Variants in FAM117B observed in about 807,000 individuals in gnomAD.
FAM117B encodes the protein family with sequence similarity 117 member B.
FAM117B carries 22 observed loss-of-function variants against 52.8 expected under a neutral mutation model. That is an observed-to-expected ratio of 0.42 (90% CI 0.30 to 0.59). FAM117B has a LOEUF of 0.59. Ranked by LOEUF, FAM117B falls within the 20% of genes least tolerant of loss-of-function variation. FAM117B has a pLI of 0.22. For missense variants in FAM117B, 678 were observed against 802.6 expected, an observed-to-expected ratio of 0.84 and a Z score of 1.88; for synonymous variants, 309 against 324.1, an observed-to-expected ratio of 0.95 and a Z score of 0.50.
In FAM117B at chr2:202,766,411, T is replaced by C. The variant is rs1176981950; in HGVS notation, c.*647T>C. On this transcript the variant is annotated 3_prime_UTR_variant, in exon 8 of 8. Coordinates refer to ENST00000392238, the MANE Select transcript of FAM117B (RefSeq NM_173511.4). ...GATAGGTAAATGCATTGAACAAGTA[T>C]ATATAAAAAGAGATTAAAAAGCAAT... The C allele has an allele frequency of 6.5e-6, 1 of 152,676 alleles. No individual in the cohort carries two copies. The highest frequency in any genetic ancestry group is 1.5e-5 in the Non-Finnish European group (1 of 68,090). 9.5% of individuals were successfully genotyped at this position (152,676 alleles called of 1,614,324 possible).
chr2:202,635,805 G>A lies in FAM117B; in HGVS notation c.601+17G>A. ...GCAAAGCAGGTAAGTGCTGGGGGTC[G>A]CGCAGCAAGGGGGAGGCGGCTGCGG... On this transcript the variant is annotated intron_variant, in intron 1 of 7. Coordinates refer to ENST00000392238, the MANE Select transcript of FAM117B (RefSeq NM_173511.4). 1 of 1,422,784 alleles carries A rather than the reference G, an allele frequency of 7.0e-7. No individual in the cohort carries two copies. Among genetic ancestry groups the A allele is most frequent in the South Asian group, 1.4e-5 (1 of 72,128 alleles). The allele number at this position is 1,422,784 out of a possible 1,614,324, so 88.1% of individuals were successfully genotyped here.
chr2:202,759,810 G>A (rs541571598), intron 7 of FAM117B, among the ~76,000 whole-genome samples: 17 of 152,184 alleles, frequency 1.1e-4, no homozygotes, highest in Admixed American at 2.0e-4. Flanking sequence ...ACCTGCCTCG[G>A]CCTACCAAAG....
intron 1 of FAM117B, among the ~76,000 whole-genome samples, chr2:202,659,415 T>A (rs1372682016): frequency 3.3e-5 from 5 of 151,894 alleles, no homozygotes; most frequent in Non-Finnish European, 1.5e-5. Context: ...GCTCAGGCGA[T>A]CCTCCTACCT....
At chr2:202,677,103 C>A (rs986368936) in intron 1 of FAM117B, among the ~76,000 whole-genome samples, 13 of 148,774 alleles carry the variant, frequency 8.7e-5, no homozygotes, top group Non-Finnish European at 1.6e-4. Context: ...CAGTCTCGCT[C>A]TGTCACCAGG....
intron 2 of FAM117B, among the ~76,000 whole-genome samples, chr2:202,715,455 G>A (rs1481771913): frequency 8.6e-5 from 13 of 151,756 alleles, no homozygotes; most frequent in Admixed American, 5.2e-4. Context: ...GGTTGCGGCC[G>A]GGCAGAGGCG....
rs570324955 is a variant in FAM117B, at chr2:202,750,659, G to A, written c.961-4879G>A. Among the ~76,000 whole-genome samples, 4 of 152,290 alleles carry A rather than the reference G, an allele frequency of 2.6e-5. No homozygotes were observed. In the South Asian group the frequency reaches 6.2e-4, roughly 24 times the overall value. On this transcript the variant is annotated intron_variant, in intron 4 of 7. Transcript: ENST00000392238. ...GCCTTGTTGAACAAGCATCTTATAT[G>A]TTCTAGGCTCTGTGCTTGGCAGTGG...
At chr2:202,736,537 G>A (rs1274647935) in intron 4 of FAM117B, among the ~76,000 whole-genome samples, 1 of 152,148 alleles carries the variant, frequency 6.6e-6, no homozygotes, top group Non-Finnish European at 1.5e-5. Flanking sequence ...GACGTAGATG[G>A]ATCACTTGAG....
Position 202,764,102 on chromosome 2 carries a change from CA to C in FAM117B, c.1452-1343del, listed in dbSNP as rs1240186503. On this transcript the variant is annotated intron_variant, in intron 7 of 7. Transcript: ENST00000392238. ...AATAATGTTTTAAATGCATCATATA[CA>C]CAAGATTATAAAGGAAGCTAGTTAT... 6.6e-5 allele frequency among the ~76,000 whole-genome samples: 10 copies of C among 152,256 alleles called. No individual in the cohort carries two copies. The East Asian group carries it at 1.9e-3, about 29-fold the overall frequency.
chr2:202,742,543 G>A (rs1559113823), intron 4 of FAM117B, among the ~76,000 whole-genome samples: 1 of 152,068 alleles, frequency 6.6e-6, no homozygotes, highest in Admixed American at 6.5e-5. Flanking sequence ...AATGGATTAA[G>A]GATCTAAATG....
At chr2:202,683,641 T>C (rs1690495512) in intron 1 of FAM117B, among the ~76,000 whole-genome samples, 1 of 152,210 alleles carries the variant, frequency 6.6e-6, no homozygotes, top group Non-Finnish European at 1.5e-5. Context: ...TGAATATCCC[T>C]GTATCTATTT....
chr2:202,766,102 A>ACCCC lies in FAM117B; in HGVS notation c.*339_*340insCCCC, dbSNP rs1553526374. On this transcript the variant is annotated 3_prime_UTR_variant, in exon 8 of 8. Coordinates refer to ENST00000392238, the MANE Select transcript of FAM117B (RefSeq NM_173511.4). ...CACACACACACACACACACACACAC[A>ACCCC]CACACCCCTGATCCTTGCCAACATG... 7.8e-4 allele frequency: 150 copies of ACCCC among 191,946 alleles called. No homozygotes were observed. Among genetic ancestry groups the ACCCC allele is most frequent in the Middle Eastern group, 2.2e-3 (1 of 452 alleles). The allele number at this position is 191,946 out of a possible 1,614,324, so 11.9% of individuals were successfully genotyped here.
intron 1 of FAM117B, among the ~76,000 whole-genome samples, chr2:202,666,668 CTTTTTTTTT>C (rs1157457357): frequency 7.9e-6 from 1 of 125,788 alleles, no homozygotes; most frequent in Non-Finnish European, 1.7e-5. Flanking sequence ...CGTTTCATTT[CTTTTTTTTT>C]TTTTTTTTTG....
chr2:202,636,099 G>T (rs1414125022), intron 1 of FAM117B, among the ~76,000 whole-genome samples: 1 of 152,150 alleles, frequency 6.6e-6, no homozygotes, highest in Non-Finnish European at 1.5e-5. Flanking sequence ...TGGCTTCCTG[G>T]CCTTACTCCT....
intron 1 of FAM117B, among the ~76,000 whole-genome samples, chr2:202,670,314 G>A (rs2105765442): frequency 6.8e-6 from 1 of 147,714 alleles, no homozygotes; most frequent in South Asian, 2.1e-4. Context: ...TTTTTGAGAT[G>A]GAGTCTAGCT....
At chr2:202,701,991 T>C (rs1358276968) in intron 2 of FAM117B, among the ~76,000 whole-genome samples, 1 of 152,116 alleles carries the variant, frequency 6.6e-6, no homozygotes, top group Non-Finnish European at 1.5e-5. Context: ...TTGAGAGAAA[T>C]TGTACTATGG....
chr2:202,702,742 A>G (rs1690814296), intron 2 of FAM117B, among the ~76,000 whole-genome samples: 1 of 151,972 alleles, frequency 6.6e-6, no homozygotes, highest in Admixed American at 6.6e-5. Context: ...TTTAGTAGAG[A>G]CGGGGTTTCA....
At chr2:202,689,133 A>G (rs1339840720) in intron 1 of FAM117B, among the ~76,000 whole-genome samples, 1 of 152,224 alleles carries the variant, frequency 6.6e-6, no homozygotes, top group African/African-American at 2.4e-5. Context: ...TTCTGTAAAT[A>G]CAAATACTCA....
chr2:202,708,898 G>A (rs1574564125), intron 2 of FAM117B, among the ~76,000 whole-genome samples: 2 of 152,162 alleles, frequency 1.3e-5, no homozygotes, highest in East Asian at 1.9e-4. Flanking sequence ...GAGCCACTAG[G>A]CCCAGCCAAT....
At chr2:202,689,461 C>T (rs1480680355) in intron 1 of FAM117B, among the ~76,000 whole-genome samples, 1 of 151,978 alleles carries the variant, frequency 6.6e-6, no homozygotes, top group Non-Finnish European at 1.5e-5. Context: ...AAGCAGTTAG[C>T]TCTGGATGGT....
Sources: gnomAD v4.1 joint callset for allele counts (sites outside exome capture counted in the v4.1 genomes callset) on GRCh38, gnomAD v4.1.1 for gene constraint, MANE v1.5 for transcripts, NCBI Gene and HGNC (gene_info 2026-07-23, HGNC 2026-07-21) for gene names.